Variants in CLPB observed in about 807,000 individuals in gnomAD.
CLPB encodes the protein ClpB family mitochondrial disaggregase.
In CLPB, 40 loss-of-function variants were observed where a neutral mutation model predicts 78.4. The observed-to-expected ratio is 0.51, with a 90% CI of 0.40 to 0.66. CLPB has a LOEUF of 0.66. Ranked by LOEUF, CLPB falls within the 30% of genes least tolerant of loss-of-function variation. The pLI, the probability that CLPB is intolerant of heterozygous loss-of-function variation, is 0.00. For missense variants in CLPB, 780 were observed against 886.9 expected, an observed-to-expected ratio of 0.88 and a Z score of 1.53; for synonymous variants, 333 against 348.0, an observed-to-expected ratio of 0.96 and a Z score of 0.48.
chr11:72,354,639 A>G (rs1360678160), intron 5 of CLPB: 2 of 316,824 alleles, frequency 6.3e-6, no homozygotes, highest in Non-Finnish European at 1.1e-5. Context: ...CAAGTGCTGA[A>G]GCAGAGCCTT....
intron 1 of CLPB, 49 bp downstream of exon 1, chr11:72,434,023 G>A (rs764766113): frequency 5.9e-5 from 93 of 1,585,418 alleles, no homozygotes; most frequent in Non-Finnish European, 7.3e-5. Context: ...TACGAAGTTA[G>A]GACAATCTTC....
At chr11:72,344,433 A>G (rs964481617) in intron 5 of CLPB, among the ~76,000 whole-genome samples, 2 of 151,878 alleles carry the variant, frequency 1.3e-5, no homozygotes, top group African/African-American at 4.8e-5. Context: ...GCTGGTCTCA[A>G]ACTCCCGGGC....
intron 3 of CLPB, among the ~76,000 whole-genome samples, chr11:72,396,078 C>T (rs1351791175): frequency 6.6e-6 from 1 of 152,166 alleles, no homozygotes. Context: ...AAATAAATGA[C>T]TGCTGTGAGA....
chr11:72,348,213 A>G (rs1950549053), intron 5 of CLPB, among the ~76,000 whole-genome samples: 1 of 152,132 alleles, frequency 6.6e-6, no homozygotes, highest in Non-Finnish European at 1.5e-5. Context: ...TGGAAGGGAG[A>G]CTTCCTTTCC....
chr11:72,300,302 G>A (rs1949632383), intron 11 of CLPB, among the ~76,000 whole-genome samples: 1 of 152,186 alleles, frequency 6.6e-6, no homozygotes. Flanking sequence ...TCTGAAGACA[G>A]CGAATGGCAC....
In CLPB at chr11:72,306,862, T is replaced by A. The variant is rs76323558; in HGVS notation, c.1122+337A>T. On this transcript the variant is annotated intron_variant, in intron 9 of 15. Transcript: ENST00000538039. ...GCAGGGGGAGTGTCTTAATAAATGC[T>A]GTATTAGCAGCATCTAGTACAACAC... Among the ~76,000 whole-genome samples, 577 of 152,340 alleles carry A rather than the reference T, an allele frequency of 3.8e-3. 2 individuals carry two copies. The highest frequency in any genetic ancestry group is 0.013 in the African/African-American group (540 of 41,578).
chr11:72,352,407 C>T (rs1365318086), intron 5 of CLPB: 3 of 152,402 alleles, frequency 2.0e-5, no homozygotes, highest in East Asian at 3.9e-4. Flanking sequence ...CTCCTGCTTT[C>T]CATTCTTGCC....
At chr11:72,353,793 C>T (rs916528782) in intron 5 of CLPB, among the ~76,000 whole-genome samples, 9 of 152,022 alleles carry the variant, frequency 5.9e-5, no homozygotes, top group African/African-American at 1.2e-4. Flanking sequence ...ACAGAGAGGC[C>T]GAACAAACTG....
chr11:72,356,235 G>A (rs1950711595), intron 5 of CLPB, among the ~76,000 whole-genome samples: 1 of 149,994 alleles, frequency 6.7e-6, no homozygotes, highest in Non-Finnish European at 1.5e-5. Context: ...CCGAGATCGC[G>A]CCATTGCACT....
Position 72,376,652 on chromosome 11 carries a change from A to T in CLPB, c.646+3629T>A, listed in dbSNP as rs563995005. ...AAACTTCTAGGACGTTATTATTATTATTTTTTTTTAACAGTTGTTTGTTTT... is the reference window on the plus strand; with the variant it reads ...AAACTTCTAGGACGTTATTATTATTTTTTTTTTTTAACAGTTGTTTGTTTT... On this transcript the variant is annotated intron_variant, in intron 4 of 15. Transcript: ENST00000538039. Among the ~76,000 whole-genome samples, 224 of 150,648 alleles carry T rather than the reference A, an allele frequency of 1.5e-3. 1 individual carries two copies. Among genetic ancestry groups the T allele is most frequent in the African/African-American group, 5.1e-3 (207 of 40,776 alleles).
At chr11:72,352,240 A>G (rs886334154) in intron 5 of CLPB, among the ~76,000 whole-genome samples, 1 of 152,232 alleles carries the variant, frequency 6.6e-6, no homozygotes, top group African/African-American at 2.4e-5. Context: ...ACCATCCCAC[A>G]ATTTATTCAT....
At chr11:72,404,070 G>A (rs1280162963) in intron 2 of CLPB, among the ~76,000 whole-genome samples, 1 of 152,190 alleles carries the variant, frequency 6.6e-6, no homozygotes, top group South Asian at 2.1e-4. Flanking sequence ...TGCAGTGACT[G>A]GTTGGCAGTG....
chr11:72,383,200 C>T (rs1409150548), intron 3 of CLPB, among the ~76,000 whole-genome samples: 1 of 151,424 alleles, frequency 6.6e-6, no homozygotes, highest in Non-Finnish European at 1.5e-5. Flanking sequence ...AATAACACTA[C>T]ACCAAGACAT....
At chr11:72,383,212 T>G (rs1231614722) in intron 3 of CLPB, among the ~76,000 whole-genome samples, 1 of 151,496 alleles carries the variant, frequency 6.6e-6, no homozygotes, top group Non-Finnish European at 1.5e-5. Context: ...CCAAGACATA[T>G]TATAATCAAA....
At chr11:72,378,735 T>C (rs1157998310) in intron 4 of CLPB, among the ~76,000 whole-genome samples, 1 of 152,094 alleles carries the variant, frequency 6.6e-6, no homozygotes, top group Non-Finnish European at 1.5e-5. Flanking sequence ...GAGGGCAAGG[T>C]GGTACTCATG....
In CLPB at chr11:72,408,160, T is replaced by C. The variant is rs767103018; in HGVS notation, c.456-5108A>G. The C allele has an allele frequency of 5.5e-5, 85 of 1,535,514 alleles. No homozygotes were observed. The highest frequency in any genetic ancestry group is 6.5e-5 in the Non-Finnish European group (74 of 1,146,856). Reference sequence around the variant, plus strand: ...TCAGTGAGACTCCAGCATTCAGCCCTGCCCAGCTTCTTGACTGAGCATCAT... The same window carrying C: ...TCAGTGAGACTCCAGCATTCAGCCCCGCCCAGCTTCTTGACTGAGCATCAT... On this transcript the variant is annotated intron_variant, in intron 2 of 15. Transcript: ENST00000538039.
At chr11:72,417,328 C>A (rs111259771) in intron 2 of CLPB, among the ~76,000 whole-genome samples, 14 of 152,102 alleles carry the variant, frequency 9.2e-5, no homozygotes, top group African/African-American at 3.4e-4. Context: ...GTGAAAGAAG[C>A]CAGACACAAA....
At chr11:72,325,778 T>C (rs1047927721) in intron 6 of CLPB, among the ~76,000 whole-genome samples, 9 of 152,216 alleles carry the variant, frequency 5.9e-5, no homozygotes, top group Non-Finnish European at 1.2e-4. Flanking sequence ...TGGGGGGCCC[T>C]GTGGCTGGAC....
In CLPB at chr11:72,317,206, C is replaced by G. The variant is rs1565433948; in HGVS notation, c.888G>C (p.Gln296His). 6.2e-7 allele frequency: 1 copy of G among 1,610,834 alleles called. No individual in the cohort carries two copies. Among genetic ancestry groups the G allele is most frequent in the Non-Finnish European group, 8.5e-7 (1 of 1,178,854 alleles). Reference protein sequence around the residue: ...RTSEAKYQEKQRKREAEERRR... With the variant: ...RTSEAKYQEKHRKREAEERRR... ...GCCGCTCCTCAGCCTCACGCTTCCGCTGCTTCTCTTGGTACTGTGGGGAGA... is the reference window on the plus strand; with the variant it reads ...GCCGCTCCTCAGCCTCACGCTTCCGGTGCTTCTCTTGGTACTGTGGGGAGA... The change falls in exon 7 of 16, where the codon CAG (glutamine) becomes CAC (histidine). Residue 296 changes from glutamine (Q) to histidine (H), a missense_variant. Gln to His is a conservative substitution (Grantham distance 24, BLOSUM62 0). Coordinates refer to ENST00000538039, the MANE Select transcript of CLPB (RefSeq NM_001258392.3).
Sources: allele counts gnomAD v4.1 joint callset (sites outside exome capture counted in the v4.1 genomes callset), GRCh38; gene constraint gnomAD v4.1.1; transcripts MANE v1.5; gene names NCBI Gene and HGNC (gene_info 2026-07-23, HGNC 2026-07-21).